The following EXOC2 variants were observed in gnomAD, a reference collection of about 807,000 sequenced individuals.
EXOC2 encodes the protein SEC5-like 1.
In EXOC2, 70 loss-of-function variants were observed where a neutral mutation model predicts 131.8. The ratio of observed to expected loss-of-function variants is 0.53; its 90% CI spans 0.44 to 0.65. The LOEUF is 0.65. Ranked by LOEUF, EXOC2 falls within the 30% of genes least tolerant of loss-of-function variation. The pLI, the probability that EXOC2 is intolerant of heterozygous loss-of-function variation, is 0.00. For synonymous variants in EXOC2, 411 were observed against 398.4 expected (o/e 1.03, Z -0.38); for missense variants, 923 against 1,108.6 (o/e 0.83, Z 2.38).
At chr6:491,426 C>A (rs376226853) in intron 25 of EXOC2, among the ~76,000 whole-genome samples, 1 of 152,228 alleles carries the variant, frequency 6.6e-6, no homozygotes, top group African/African-American at 2.4e-5. Flanking sequence ...GGGCAGGGAA[C>A]TAGATATCTC....
chr6:610,600 T>C (rs1163956134), intron 6 of EXOC2, among the ~76,000 whole-genome samples: 1 of 152,230 alleles, frequency 6.6e-6, no homozygotes, highest in Non-Finnish European at 1.5e-5. Flanking sequence ...AGATTTGGGA[T>C]GTTCAACCAG....
At chr6:551,256 C>G (rs938913200) in intron 21 of EXOC2, among the ~76,000 whole-genome samples, 1 of 152,220 alleles carries the variant, frequency 6.6e-6, no homozygotes, top group African/African-American at 2.4e-5. Flanking sequence ...TGAGGTCACA[C>G]AGGATGCGAA....
chr6:610,104 G>A lies in EXOC2; in HGVS notation c.736C>T (p.Leu246=), dbSNP rs1760638839. The change falls in exon 7 of 28, where the codon CTG becomes TTG. Residue 246 remains leucine, a synonymous_variant. Transcript: ENST00000230449. ...GSMTQKLENV[L]NRASNTADTL... is the part of the protein sequence containing the mutation. The stretch of plus-strand genomic sequence containing the variant: ...GTAGTAGGACAAAACTTACTGTTCA[G>A]AACATTCTCCAGTTTCTGCGTCATG... 6.2e-7 allele frequency: 1 copy of A among 1,613,692 alleles called. No homozygotes were observed. Among genetic ancestry groups the A allele is most frequent in the African/African-American group, 1.3e-5 (1 of 74,886 alleles).
intron 11 of EXOC2, among the ~76,000 whole-genome samples, chr6:577,407 G>C (rs993208287): frequency 1.3e-5 from 2 of 152,106 alleles, no homozygotes; most frequent in African/African-American, 4.8e-5. Flanking sequence ...CTACCATCAA[G>C]AAATTGTCTT....
At chr6:657,836 G>A (rs1763208848) in intron 1 of EXOC2, among the ~76,000 whole-genome samples, 1 of 150,778 alleles carries the variant, frequency 6.6e-6, no homozygotes, top group South Asian at 2.1e-4. Context: ...TCTTTTTACT[G>A]AGTTTATTTT....
intron 23 of EXOC2, 66 bp from the exon 24 acceptor site, chr6:499,766 C>A: frequency 7.7e-7 from 1 of 1,299,460 alleles, no homozygotes; most frequent in Non-Finnish European, 1.1e-6. Context: ...CCCCTGCTGG[C>A]AGGCTGTACC....
At chr6:632,608 C>T (rs1150862) in intron 3 of EXOC2, among the ~76,000 whole-genome samples, 107,643 of 152,070 alleles carry the variant, frequency 0.71, 38,753 homozygotes, top group Middle Eastern at 0.88. Context: ...TCACCTCAAA[C>T]CTTGTTTAAG....
chr6:500,834 G>T (rs1334252604), intron 23 of EXOC2, among the ~76,000 whole-genome samples: 2 of 151,758 alleles, frequency 1.3e-5, no homozygotes, highest in African/African-American at 4.8e-5. Flanking sequence ...CCACGCTACT[G>T]GTTAGTTGGG....
At chr6:627,243 C>CAAA (rs144043704) in intron 4 of EXOC2, among the ~76,000 whole-genome samples, 1 of 118,964 alleles carries the variant, frequency 8.4e-6, no homozygotes, top group Non-Finnish European at 1.7e-5. Context: ...TGACAGTATC[C>CAAA]AAAAAAAAAA....
chr6:495,970 T>A (rs1000441159), intron 25 of EXOC2, among the ~76,000 whole-genome samples: 6 of 152,226 alleles, frequency 3.9e-5, no homozygotes, highest in Admixed American at 2.0e-4. Flanking sequence ...ACTGACTTTT[T>A]AAAAAATCTA....
intron 1 of EXOC2, among the ~76,000 whole-genome samples, chr6:658,921 C>G (rs946340256): frequency 5.3e-5 from 8 of 152,008 alleles, no homozygotes; most frequent in African/African-American, 1.9e-4. Flanking sequence ...CTTGGCCTCT[C>G]AAAGTGCTGG....
intron 1 of EXOC2, among the ~76,000 whole-genome samples, chr6:662,161 C>T (rs1763449120): frequency 2.0e-5 from 3 of 152,124 alleles, no homozygotes; most frequent in Admixed American, 2.0e-4. Context: ...AAAACAATTA[C>T]TAATAGATCT....
At chr6:586,963 C>T (rs1340690970) in intron 11 of EXOC2, among the ~76,000 whole-genome samples, 2 of 152,184 alleles carry the variant, frequency 1.3e-5, no homozygotes, top group East Asian at 3.8e-4. Flanking sequence ...AGATTTCTTC[C>T]ACATCTAAAA....
intron 17 of EXOC2, among the ~76,000 whole-genome samples, chr6:560,943 G>A (rs1416682427): frequency 2.0e-5 from 3 of 151,836 alleles, no homozygotes; most frequent in Non-Finnish European, 2.9e-5. Flanking sequence ...CCTGACCTCA[G>A]GTGATCCGCC....
At chr6:533,714 G>T (rs1160734721) in intron 22 of EXOC2, among the ~76,000 whole-genome samples, 1 of 152,078 alleles carries the variant, frequency 6.6e-6, no homozygotes, top group Non-Finnish European at 1.5e-5. Context: ...GAGGGGGGAG[G>T]CAGAGACCCA....
chr6:677,171 T>C (rs1446278306), intron 1 of EXOC2, among the ~76,000 whole-genome samples: 1 of 126,520 alleles, frequency 7.9e-6, no homozygotes, highest in Non-Finnish European at 1.7e-5. Context: ...GAGACTGCGG[T>C]TCCCCATACT....
intron 26 of EXOC2, among the ~76,000 whole-genome samples, chr6:490,437 G>A (rs917289432): frequency 2.6e-5 from 4 of 152,146 alleles, no homozygotes; most frequent in East Asian, 1.9e-4. Context: ...TGTGACCGAC[G>A]GGAATGAAAG....
intron 23 of EXOC2, among the ~76,000 whole-genome samples, chr6:531,286 C>T (rs1766061903): frequency 7.0e-6 from 1 of 143,434 alleles, no homozygotes; most frequent in South Asian, 2.1e-4. Flanking sequence ...GTTTTACTAT[C>T]ATGAGAAGAT....
At chr6:651,394 T>A (rs1762824516) in intron 1 of EXOC2, among the ~76,000 whole-genome samples, 2 of 152,010 alleles carry the variant, frequency 1.3e-5, no homozygotes, top group South Asian at 4.1e-4. Context: ...TGGCTGATGC[T>A]TGTAATCCCA....
Sources: gnomAD v4.1 joint callset for allele counts (sites outside exome capture counted in the v4.1 genomes callset) on GRCh38, gnomAD v4.1.1 for gene constraint, MANE v1.5 for transcripts, NCBI Gene and HGNC (gene_info 2026-07-23, HGNC 2026-07-21) for gene names.